Variants in FLNC observed in about 807,000 individuals in gnomAD.
The protein encoded by FLNC is filamin-C.
A neutral mutation model predicts 254.3 loss-of-function variants in FLNC; 91 were observed. The observed-to-expected ratio is 0.36, with a 90% CI of 0.30 to 0.43. The LOEUF (loss-of-function observed/expected upper bound fraction) is 0.43, where lower values mean the gene tolerates loss of function less well. FLNC is among the 20% of genes least tolerant of loss of function. The pLI is 1.00. For missense variants in FLNC, 2,853 were observed against 3,802.6 expected (o/e 0.75, Z 6.57); for synonymous variants, 1,430 against 1,577.2 (o/e 0.91, Z 2.21).
chr7:128,840,692 C>T lies in FLNC; in HGVS notation c.1676+18C>T. 4 of 1,612,662 alleles carry T rather than the reference C, an allele frequency of 2.5e-6. No individual in the cohort carries two copies. Among genetic ancestry groups the T allele is most frequent in the Non-Finnish European group, 3.4e-6 (4 of 1,179,270 alleles). On this transcript the variant is annotated intron_variant, in intron 10 of 47. Coordinates refer to ENST00000325888, the MANE Select transcript of FLNC (RefSeq NM_001458.5). ...CCTCGCAGGTGAGTACCTTGCGCCC[C>T]CCATGCTGTCCTGTCTAGGCCATCA...
At chr7:128,837,106 C>A in intron 2 of FLNC, 54 bp from the exon 3 acceptor site, 2 of 1,230,260 alleles carry the variant, frequency 1.6e-6, no homozygotes, top group Non-Finnish European at 2.3e-6. Flanking sequence ...AAATGCCCTG[C>A]ATCCTGGCCG....
chr7:128,837,535 C>T lies in FLNC; in HGVS notation c.837C>T (p.Ile279=), dbSNP rs754916664. ...RSKQLNPKKA[I]AYGPGIEPQG... is the part of the protein sequence containing the mutation. ...AGCAGCTGAACCCCAAGAAAGCCAT[C>T]GCCTATGGGCCTGGTATGTGTGAGC... The change falls in exon 4 of 48, where the codon ATC becomes ATT. Residue 279 remains isoleucine (I), a synonymous_variant. Transcript: ENST00000325888. 12 of 1,614,044 alleles carry T rather than the reference C, an allele frequency of 7.4e-6. No homozygotes were observed. Among genetic ancestry groups the T allele is most frequent in the South Asian group, 4.4e-5 (4 of 91,092 alleles).
At chr7:128,848,360 G>A (rs558111496) in intron 26 of FLNC, among the ~76,000 whole-genome samples, 11 of 152,200 alleles carry the variant, frequency 7.2e-5, no homozygotes, top group Admixed American at 6.5e-4. Flanking sequence ...GACGTACCCT[G>A]GCTCTGTCGA....
intron 26 of FLNC, 147 bp downstream of exon 26, chr7:128,848,215 C>T (rs1808646544): frequency 9.3e-7 from 1 of 1,073,410 alleles, no homozygotes; most frequent in South Asian, 1.4e-5. Flanking sequence ...TCCCGCTCTT[C>T]CCCGGGGCTC....
At chr7:128,839,903 G>T in intron 8 of FLNC, 120 bp from the exon 9 acceptor site, 1 of 1,302,858 alleles carries the variant, frequency 7.7e-7, no homozygotes, top group Non-Finnish European at 1.1e-6. Context: ...GGGCTCCAGA[G>T]CAGGGCCGTG....
Position 128,843,291 on chromosome 7 carries a change from G to A in FLNC, c.2613G>A (p.Lys871=). 1 of 1,612,686 alleles carries A rather than the reference G, an allele frequency of 6.2e-7. No homozygotes were observed. Among genetic ancestry groups the A allele is most frequent in the South Asian group, 1.1e-5 (1 of 90,778 alleles). The part of the protein sequence containing the change: ...VDPSHDASKV[K]AEGPGLNRTG... Reference sequence around the variant, plus strand: ...CATCCCACGATGCCAGCAAAGTCAAGGCCGAGGGCCCTGGGCTGAATCGCA... The same window carrying A: ...CATCCCACGATGCCAGCAAAGTCAAAGCCGAGGGCCCTGGGCTGAATCGCA... Residue 871 remains lysine (K), a synonymous_variant, in exon 17 of 48, where the codon AAG becomes AAA. Transcript: ENST00000325888.
rs13308050 is a variant in FLNC, at chr7:128,858,690, G to A, written c.*167G>A. The A allele has an allele frequency of 1.2e-4, 74 of 641,648 alleles. No homozygotes were observed. The highest frequency in any genetic ancestry group is 8.0e-4 in the African/African-American group (44 of 55,212). The allele number at this position is 641,648 out of a possible 1,614,324, so 39.7% of individuals were successfully genotyped here. On this transcript the variant is annotated 3_prime_UTR_variant, in exon 48 of 48. Transcript: ENST00000325888. This position sits in a 1 kb window ranked among gnomAD's most constrained non-coding sequence, Gnocchi z 6.7. Reference sequence around the variant, plus strand: ...AGGCCCAGCCTCCCCACCCCACCGCGCCCCAGGGGTTGGAGGACCTTGTCT... The same window carrying A: ...AGGCCCAGCCTCCCCACCCCACCGCACCCCAGGGGTTGGAGGACCTTGTCT...
intron 1 of FLNC, among the ~76,000 whole-genome samples, chr7:128,831,419 C>T (rs1416754710): frequency 2.0e-5 from 3 of 152,364 alleles, no homozygotes; most frequent in East Asian, 3.9e-4. Flanking sequence ...TTCACAGCCC[C>T]TCCGCGGGCT....
At chr7:128,854,960 A>T in intron 42 of FLNC, 48 bp downstream of exon 42, 1 of 1,606,362 alleles carries the variant, frequency 6.2e-7, no homozygotes. Context: ...GACCTTCCAG[A>T]CTGGGTTTCT....
chr7:128,850,614 G>T, intron 32 of FLNC, 131 bp downstream of exon 32: 1 of 1,190,196 alleles, frequency 8.4e-7, no homozygotes, highest in Non-Finnish European at 1.2e-6. Context: ...CACACAGCAA[G>T]TTGGGCAGAG....
chr7:128,849,629 C>A, intron 30 of FLNC, 51 bp downstream of exon 30: 1 of 1,602,120 alleles, frequency 6.2e-7, no homozygotes, highest in Non-Finnish European at 8.5e-7. Flanking sequence ...GGGGGCCTGG[C>A]CCTTTTAGCA....
In FLNC at chr7:128,841,496, G is replaced by C. The variant is rs769221710; in HGVS notation, c.2050G>C (p.Val684Leu). ...GPGLEPTGCI[V>L]DKPAEFTIDA... ...TGGCCTGGAGCCTACCGGCTGCATC[G>C]TGGACAAGCCCGCTGAGTTCACCAT... The change falls in exon 13 of 48, where the codon GTG (valine) becomes CTG (leucine). Residue 684 changes from valine to leucine, a missense_variant. By Grantham distance (32) the Val-to-Leu change is conservative (BLOSUM62 1). Transcript: ENST00000325888. This position sits in a 1 kb window ranked among gnomAD's most constrained non-coding sequence, Gnocchi z 4.3. The C allele has an allele frequency of 4.3e-6, 7 of 1,614,150 alleles. No individual in the cohort carries two copies. The East Asian group carries it at 1.3e-4, about 31-fold the overall frequency.
In FLNC at chr7:128,842,231, G is replaced by T; in HGVS notation, c.2122G>T (p.Asp708Tyr). The change falls in exon 14 of 48, where the codon GAC becomes TAC. Residue 708 changes from aspartate (D) to tyrosine (Y), a missense_variant and splice_region_variant. Asp to Tyr is a radical substitution (Grantham distance 160, BLOSUM62 -3). Around this residue, in one of 10 missense-constraint regions of FLNC, gnomAD observed 1,573 missense variants for 1,883.5 expected, o/e 0.84. Transcript: ENST00000325888. The surrounding 1 kb of genome is among the most constrained non-coding windows in gnomAD (Gnocchi z 5.4). ...AACTTTGCTTGGGTGATGCCCACAG[G>T]ACGCCGACGGCTGTCCCATCGACAT... ...GKGDLKLYAQ[D>Y]ADGCPIDIKV... The T allele has an allele frequency of 6.2e-7, 1 of 1,613,642 alleles. No individual in the cohort carries two copies. The highest frequency in any genetic ancestry group is 1.1e-5 in the South Asian group (1 of 91,082).
chr7:128,849,324 A>G lies in FLNC; in HGVS notation c.4952-7A>G, dbSNP rs746914067. 1 of 1,614,074 alleles carries G rather than the reference A, an allele frequency of 6.2e-7. No homozygotes were observed. Among genetic ancestry groups the G allele is most frequent in the Admixed American group, 1.7e-5 (1 of 60,028 alleles). ...CAGCTCCCTGAGCAGGATCTCCCGC[A>G]TGGCAGGTGCCTGCCTGGGCCCTCG... is the stretch of plus-strand genomic sequence containing the variant. On this transcript the variant is annotated splice_polypyrimidine_tract_variant and splice_region_variant and intron_variant, in intron 29 of 47. Coordinates refer to ENST00000325888, the MANE Select transcript of FLNC (RefSeq NM_001458.5).
rs1220063228 is a variant in FLNC at position 128,856,371 on chromosome 7, G to C, written c.7252-147G>C. The stretch of plus-strand genomic sequence containing the variant: ...GGACCCTGGCTCCTCCTGCTCCCAG[G>C]CTGGGCTGGCAGGCAGGGGCCAGGC... On this transcript the variant is annotated intron_variant, in intron 43 of 47. Coordinates refer to ENST00000325888, the MANE Select transcript of FLNC (RefSeq NM_001458.5). This position sits in a 1 kb window ranked among gnomAD's most constrained non-coding sequence, Gnocchi z 5.9. 2 of 978,596 alleles carry C rather than the reference G, an allele frequency of 2.0e-6. No homozygotes were observed. Among genetic ancestry groups the C allele is most frequent in the Non-Finnish European group, 3.2e-6 (2 of 632,570 alleles). The allele number at this position is 978,596 out of a possible 1,614,324, so 60.6% of individuals were successfully genotyped here. A position where few individuals can be genotyped will look rare whatever the true frequency, so the allele number is the denominator to read the frequency against.
rs764877771 is a variant in FLNC, at chr7:128,853,824, C to T, written c.6471C>T (p.Asn2157=). The T allele has an allele frequency of 3.8e-5, 61 of 1,613,352 alleles. No individual in the cohort carries two copies. Among genetic ancestry groups the T allele is most frequent in the Non-Finnish European group, 4.9e-5 (58 of 1,179,998 alleles). Residue 2157 remains asparagine (N), a synonymous_variant, in exon 39 of 48, where the codon AAC becomes AAT. Coordinates refer to ENST00000325888, the MANE Select transcript of FLNC (RefSeq NM_001458.5). ...IATIGSTCDL[N]LKIPGNWFQM... is the part of the protein sequence containing the mutation. ...CCATCGGCAGCACCTGTGACCTCAA[C>T]CTCAAGATCCCAGGTAGAAGCCTGG...
intron 32 of FLNC, 24 bp downstream of exon 32, chr7:128,850,507 A>G: frequency 6.4e-7 from 1 of 1,574,690 alleles, no homozygotes; most frequent in Non-Finnish European, 8.7e-7. Flanking sequence ...GCTCCCAGGC[A>G]TGAGGGCTGA....
In FLNC at chr7:128,837,230, G is replaced by A; in HGVS notation, c.672G>A (p.Gln224=). 1 of 1,593,912 alleles carries A rather than the reference G, an allele frequency of 6.3e-7. No homozygotes were observed. Among genetic ancestry groups the A allele is most frequent in the Non-Finnish European group, 8.5e-7 (1 of 1,170,772 alleles). Residue 224 remains glutamine, a synonymous_variant, in exon 3 of 48, where the codon CAG becomes CAA. Coordinates refer to ENST00000325888, the MANE Select transcript of FLNC (RefSeq NM_001458.5). ...PVENAREAMQ[Q]ADDWLGVPQV... ...AGAACGCCCGGGAGGCCATGCAGCA[G>A]GCCGACGACTGGCTTGGGGTGCCCC...
In FLNC at chr7:128,851,462, G is replaced by A. The variant is rs1479099872; in HGVS notation, c.5676G>A (p.Leu1892=). The change falls in exon 35 of 48, where the codon CTG becomes CTA. Residue 1892 remains leucine, a synonymous_variant. Coordinates refer to ENST00000325888, the MANE Select transcript of FLNC (RefSeq NM_001458.5). ...CCACACCTCCACCTACAGGGGGTCT[G>A]TCACTGGCCGTGGAGGGCCCATCCA... is the stretch of plus-strand genomic sequence containing the variant. ...IVTKDAGEGG[L]SLAVEGPSKA... 2.5e-6 allele frequency: 4 copies of A among 1,613,872 alleles called. No individual in the cohort carries two copies. The highest frequency in any genetic ancestry group is 3.4e-6 in the Non-Finnish European group (4 of 1,180,038).
Sources: allele counts gnomAD v4.1 joint callset (sites outside exome capture counted in the v4.1 genomes callset), GRCh38; gene constraint gnomAD v4.1.1; regional missense constraint gnomAD v4.1.1; non-coding constraint Gnocchi (gnomAD v3.1); transcripts MANE v1.5; gene names NCBI Gene and HGNC (gene_info 2026-07-23, HGNC 2026-07-21).